DISC1: variants seen among roughly 807,000 people sequenced by gnomAD.
DISC1 encodes disrupted in schizophrenia 1 protein.
DISC1 carries 57 observed loss-of-function variants against 84.5 expected under a neutral mutation model. The ratio of observed to expected loss-of-function variants is 0.67; its 90% CI spans 0.55 to 0.84. The LOEUF (loss-of-function observed/expected upper bound fraction) is 0.84, where lower values mean the gene tolerates loss of function less well. DISC1 is among the 40% of genes least tolerant of loss of function. The probability of loss-of-function intolerance (pLI) is 0.00; values close to 1 mark genes in which losing one functional copy is unlikely to be tolerated. For synonymous variants in DISC1, 411 were observed against 415.2 expected (o/e 0.99, Z 0.12); for missense variants, 1,000 against 1,057.8 (o/e 0.95, Z 0.76).
intron 3 of DISC1, among the ~76,000 whole-genome samples, chr1:231,743,639 G>A (rs1017573386): frequency 6.6e-6 from 1 of 152,208 alleles, no homozygotes; most frequent in Admixed American, 6.5e-5. Flanking sequence ...CATTATCCTA[G>A]AAGGTCTTAT....
rs367716971 is a variant in DISC1, at chr1:231,851,553, G to A, written c.1981+33036G>A. On this transcript the variant is annotated intron_variant, in intron 9 of 12. Coordinates refer to ENST00000439617, the MANE Select transcript of DISC1 (RefSeq NM_018662.3). Reference sequence around the variant, plus strand: ...AATGAGATCATTTCACACCTCACGTGGAAGTGCAGACCTGAAAGAAGACTT... The same window carrying A: ...AATGAGATCATTTCACACCTCACGTAGAAGTGCAGACCTGAAAGAAGACTT... Among the ~76,000 whole-genome samples, 96 of 152,318 alleles carry A rather than the reference G, an allele frequency of 6.3e-4. No homozygotes were observed. In the South Asian group the frequency reaches 0.019, roughly 30 times the overall value.
chr1:231,872,633 C>T (rs1574351531), intron 9 of DISC1, among the ~76,000 whole-genome samples: 1 of 152,002 alleles, frequency 6.6e-6, no homozygotes, highest in Non-Finnish European at 1.5e-5. Context: ...TGTTTGCATA[C>T]TGTTTGCCTT....
rs562708104 is a variant in DISC1 at position 232,031,008 on chromosome 1, G to A, written c.2425+4456G>A. Among the ~76,000 whole-genome samples, 1 of 152,178 alleles carries A rather than the reference G, an allele frequency of 6.6e-6. No individual in the cohort carries two copies. The highest frequency in any genetic ancestry group is 2.1e-4 in the South Asian group (1 of 4,818). The stretch of plus-strand genomic sequence containing the variant: ...CACACCTGTAGTCCCAGCTACTCCA[G>A]AGGCGTGAGAATTGCTTGAACCCAG... On this transcript the variant is annotated intron_variant, in intron 12 of 12. Coordinates refer to ENST00000439617, the MANE Select transcript of DISC1 (RefSeq NM_018662.3). This position sits in a 1 kb window ranked among gnomAD's most constrained non-coding sequence, Gnocchi z 4.6.
Position 231,809,513 on chromosome 1 carries a change from CT to C in DISC1, c.1793-8806del, listed in dbSNP as rs1198274417. Among the ~76,000 whole-genome samples, 701 of 107,602 alleles carry C rather than the reference CT, an allele frequency of 6.5e-3. 8 individuals carry two copies. The highest frequency in any genetic ancestry group is 0.019 in the African/African-American group (571 of 29,398). 70.6% of individuals were successfully genotyped at this position (107,602 alleles called of 152,430 possible). On this transcript the variant is annotated intron_variant, in intron 8 of 12. Coordinates refer to ENST00000439617, the MANE Select transcript of DISC1 (RefSeq NM_018662.3). ...AGGATGTCTCTGATACTCCAAAAGC[CT>C]TTTTTTTTTGAAAAAAAAAAAAAAA...
At chr1:231,702,634 AAAACAAAC>A in intron 3 of DISC1, 22 of 982,568 alleles carry the variant, frequency 2.2e-5, no homozygotes, top group Non-Finnish European at 2.7e-5. Context: ...TGAGGCCAGG[AAAACAAAC>A]AAACAAAAAA....
At chr1:231,893,385 A>G (rs1056452364) in intron 9 of DISC1, among the ~76,000 whole-genome samples, 3 of 152,340 alleles carry the variant, frequency 2.0e-5, no homozygotes, top group African/African-American at 4.8e-5. Flanking sequence ...TTGAGCAGGC[A>G]CTTATTAAAA....
intron 3 of DISC1, among the ~76,000 whole-genome samples, chr1:231,703,563 A>G (rs1246070528): frequency 6.6e-6 from 1 of 152,210 alleles, no homozygotes; most frequent in African/African-American, 2.4e-5. Context: ...AATGCAGTGA[A>G]AAAGTAGGCC....
At chr1:231,963,406 A>G (rs1476341664) in intron 10 of DISC1, among the ~76,000 whole-genome samples, 2 of 152,206 alleles carry the variant, frequency 1.3e-5, no homozygotes, top group Admixed American at 1.3e-4. Flanking sequence ...CCCAATATTT[A>G]GGGATTTGAA....
chr1:231,816,692 G>A (rs1276204319), intron 8 of DISC1, among the ~76,000 whole-genome samples: 1 of 152,046 alleles, frequency 6.6e-6, no homozygotes, highest in East Asian at 1.9e-4. Context: ...GACTTGCTTT[G>A]GCACTTTGGT....
chr1:231,800,663 A>C (rs1174287121), intron 8 of DISC1, among the ~76,000 whole-genome samples: 1 of 152,110 alleles, frequency 6.6e-6, no homozygotes, highest in Non-Finnish European at 1.5e-5. Context: ...TAAGGAATTG[A>C]TTTTTCCATT....
At chr1:231,696,971 T>C (rs2065792083) in intron 2 of DISC1, among the ~76,000 whole-genome samples, 2 of 152,168 alleles carry the variant, frequency 1.3e-5, no homozygotes, top group South Asian at 2.1e-4. Context: ...AACAGAGTAG[T>C]GGGAATGACA....
chr1:231,859,867 T>C (rs1488773904), intron 9 of DISC1, among the ~76,000 whole-genome samples: 1 of 152,172 alleles, frequency 6.6e-6, no homozygotes, highest in South Asian at 2.1e-4. Context: ...CTTGGAGGGT[T>C]GATGAGCTGA....
At chr1:231,788,178 G>C (rs973495710) in intron 6 of DISC1, among the ~76,000 whole-genome samples, 2 of 152,172 alleles carry the variant, frequency 1.3e-5, no homozygotes, top group Middle Eastern at 3.2e-3. Context: ...TGAGCTACTT[G>C]GGAGGCTGAG....
intron 9 of DISC1, among the ~76,000 whole-genome samples, chr1:231,906,134 T>C (rs1464680413): frequency 1.3e-5 from 2 of 150,326 alleles, no homozygotes; most frequent in African/African-American, 4.9e-5. Context: ...GTGATTCTCC[T>C]GCCTCAGCCT....
In DISC1 at chr1:232,039,367, A is replaced by G. The variant is rs567967401; in HGVS notation, c.*2536A>G. 1 of 152,346 alleles carries G rather than the reference A, an allele frequency of 6.6e-6. No homozygotes were observed. The highest frequency in any genetic ancestry group is 2.4e-5 in the African/African-American group (1 of 41,568). 9.4% of individuals were successfully genotyped at this position (152,346 alleles called of 1,614,324 possible). ...CATCATGAAATAATTCTGTGAGGTC[A>G]TGATGTATTTGAAAATTCTGCAAGT... On this transcript the variant is annotated 3_prime_UTR_variant, in exon 13 of 13. Transcript: ENST00000439617.
intron 9 of DISC1, among the ~76,000 whole-genome samples, chr1:231,867,359 G>A (rs546529765): frequency 1.3e-5 from 2 of 152,320 alleles, no homozygotes; most frequent in African/African-American, 2.4e-5. Flanking sequence ...ATGAGAATAG[G>A]CAGCATAGAA....
rs556923378 is a variant in DISC1 at position 231,949,526 on chromosome 1, C to T, written c.1982-9302C>T. Among the ~76,000 whole-genome samples the T allele has an allele frequency of 5.3e-5, 8 of 152,256 alleles. No individual in the cohort carries two copies. The South Asian group carries it at 1.7e-3, about 32-fold the overall frequency. On this transcript the variant is annotated intron_variant, in intron 9 of 12. Coordinates refer to ENST00000439617, the MANE Select transcript of DISC1 (RefSeq NM_018662.3). The stretch of plus-strand genomic sequence containing the variant: ...CAATTTGGCCTTTTTCCTGCCAAAT[C>T]CATTTGGCATAAGGAGCAGGCAGTA...
intron 1 of DISC1, among the ~76,000 whole-genome samples, chr1:231,663,073 C>G (rs2061694396): frequency 6.6e-6 from 1 of 151,308 alleles, no homozygotes; most frequent in African/African-American, 2.4e-5. Context: ...AAAACATGAT[C>G]TAACTGCATG....
At chr1:231,809,040 T>G (rs776377033) in intron 8 of DISC1, among the ~76,000 whole-genome samples, 5 of 151,962 alleles carry the variant, frequency 3.3e-5, no homozygotes, top group Non-Finnish European at 5.9e-5. Flanking sequence ...GTATAGGGAG[T>G]AGGGTCTGGG....
Sources: allele counts gnomAD v4.1 joint callset (sites outside exome capture counted in the v4.1 genomes callset), GRCh38; gene constraint gnomAD v4.1.1; non-coding constraint Gnocchi (gnomAD v3.1); transcripts MANE v1.5; gene names NCBI Gene and HGNC (gene_info 2026-07-23, HGNC 2026-07-21).